Variants in LRP1B observed in about 807,000 individuals in gnomAD.
The protein encoded by LRP1B is LDL receptor related protein 1B, also known as low-density lipoprotein receptor-related protein 1B.
In LRP1B, 217 loss-of-function variants were observed where a neutral mutation model predicts 556.6. That is an observed-to-expected ratio of 0.39 (90% CI 0.35 to 0.44). The LOEUF (loss-of-function observed/expected upper bound fraction) is 0.44. Ranked by LOEUF, LRP1B falls within the 20% of genes least tolerant of loss-of-function variation. The pLI, the probability that LRP1B is intolerant of heterozygous loss-of-function variation, is 1.00. For missense variants in LRP1B, 5,053 were observed against 5,620.8 expected, an observed-to-expected ratio of 0.90 and a Z score of 3.23; for synonymous variants, 2,047 against 1,865.8, an observed-to-expected ratio of 1.10 and a Z score of -2.50.
chr2:141,263,860 C>A (rs1213362725), intron 3 of LRP1B, among the ~76,000 whole-genome samples: 2 of 151,998 alleles, frequency 1.3e-5, no homozygotes, highest in Non-Finnish European at 2.9e-5. Flanking sequence ...CCCTATCAAT[C>A]AGTACAGTAA....
chr2:141,828,874 A>G (rs553350437), intron 1 of LRP1B, among the ~76,000 whole-genome samples: 1 of 152,086 alleles, frequency 6.6e-6, no homozygotes, highest in East Asian at 1.9e-4. Context: ...ATTAAAAAAA[A>G]ATTATAGGGT....
At chr2:140,551,576 G>A (rs1050393336) in intron 43 of LRP1B, among the ~76,000 whole-genome samples, 2 of 152,072 alleles carry the variant, frequency 1.3e-5, no homozygotes, top group Admixed American at 6.6e-5. Flanking sequence ...TGAAAGCAGC[G>A]GTCAGCTATT....
At chr2:141,787,147 T>C (rs1302319293) in intron 2 of LRP1B, among the ~76,000 whole-genome samples, 2 of 151,958 alleles carry the variant, frequency 1.3e-5, no homozygotes, top group African/African-American at 4.8e-5. Flanking sequence ...CTAGTAGGAA[T>C]ACAAAATGGT....
At chr2:140,887,765 A>G (rs1693681695) in intron 23 of LRP1B, among the ~76,000 whole-genome samples, 1 of 152,182 alleles carries the variant, frequency 6.6e-6, no homozygotes, top group African/African-American at 2.4e-5. Context: ...AAACAAATGA[A>G]AACATTACAC....
At chr2:141,463,837 GATA>G (rs141339525) in intron 3 of LRP1B, among the ~76,000 whole-genome samples, 6,502 of 139,426 alleles carry the variant, frequency 0.047, 480 homozygotes, top group African/African-American at 0.15. Flanking sequence ...TATATAATTG[GATA>G]ATATTACATA....
chr2:141,816,345 G>T (rs998699959), intron 1 of LRP1B, among the ~76,000 whole-genome samples: 1 of 152,144 alleles, frequency 6.6e-6, no homozygotes, highest in Non-Finnish European at 1.5e-5. Flanking sequence ...TGCTGTCAGC[G>T]TGGCTAGAAT....
chr2:141,096,762 T>G (rs897637191), intron 7 of LRP1B, among the ~76,000 whole-genome samples: 10 of 149,302 alleles, frequency 6.7e-5, no homozygotes, highest in Non-Finnish European at 1.2e-4. Flanking sequence ...GTAAAAAAAA[T>G]TAGGCTTTGT....
At position 140,938,142 on chromosome 2, in the gene LRP1B, C is replaced by T. The variant is rs190825605; in HGVS notation, c.3136+12093G>A. Reference sequence around the variant, plus strand: ...AGGATAAGATTTTAGCTTGCTGAGACCTTTTCCTCATCTACACAATAAAAT... The same window carrying T: ...AGGATAAGATTTTAGCTTGCTGAGATCTTTTCCTCATCTACACAATAAAAT... On this transcript the variant is annotated intron_variant, in intron 20 of 90. Transcript: ENST00000389484. Among the ~76,000 whole-genome samples, 248 of 150,168 alleles carry T rather than the reference C, an allele frequency of 1.7e-3. 1 individual carries two copies. Among genetic ancestry groups the T allele is most frequent in the African/African-American group, 5.8e-3 (238 of 40,852 alleles).
chr2:141,307,903 C>A (rs1040988522), intron 3 of LRP1B, among the ~76,000 whole-genome samples: 1 of 152,116 alleles, frequency 6.6e-6, no homozygotes, highest in African/African-American at 2.4e-5. Flanking sequence ...GATGGCAGTA[C>A]CAGTGGCAGG....
intron 3 of LRP1B, among the ~76,000 whole-genome samples, chr2:141,339,616 C>A (rs1292372465): frequency 6.6e-6 from 1 of 152,154 alleles, no homozygotes; most frequent in Non-Finnish European, 1.5e-5. Flanking sequence ...GTTAGTGATA[C>A]AAGTCAGCAC....
At position 141,319,765 on chromosome 2, in the gene LRP1B, C is replaced by T. The variant is rs568638867; in HGVS notation, c.344-65124G>A. Among the ~76,000 whole-genome samples, 11 of 152,070 alleles carry T rather than the reference C, an allele frequency of 7.2e-5. No homozygotes were observed. In the South Asian group the frequency reaches 1.5e-3, roughly 20 times the overall value. On this transcript the variant is annotated intron_variant, in intron 3 of 90. Transcript: ENST00000389484. ...GAATCGCAAGTTGCAGTGCTTTTCT[C>T]GTTTCAATTTTATAGAGCAACATGT... is the stretch of plus-strand genomic sequence containing the variant.
At chr2:141,826,586 C>G (rs944080944) in intron 1 of LRP1B, among the ~76,000 whole-genome samples, 18 of 152,020 alleles carry the variant, frequency 1.2e-4, no homozygotes, top group Non-Finnish European at 2.5e-4. Flanking sequence ...GTCTCCATCT[C>G]CTGACCTCGT....
Position 140,373,124 on chromosome 2 carries a change from G to T in LRP1B, c.10652C>A (p.Thr3551Lys). The T allele has an allele frequency of 3.7e-6, 6 of 1,612,750 alleles. No homozygotes were observed. The highest frequency in any genetic ancestry group is 5.1e-6 in the Non-Finnish European group (6 of 1,179,294). ...CCGGAACTGATCTTTGGAACAACTT[G>T]TCTCACAATTTCTCTATGAAAAACA... ...ADGSDERNCE[T>K]SCSKDQFRCS... The change falls in exon 69 of 91, where the codon ACA becomes AAA. Residue 3551 changes from threonine (T) to lysine (K), a missense_variant. By Grantham distance (78) the Thr-to-Lys change is moderately conservative. This residue lies in a region of LRP1B where 599 missense variants were observed against 648.4 expected (regional missense o/e 0.92). Transcript: ENST00000389484.
At position 140,489,808 on chromosome 2, in the gene LRP1B, C is replaced by T. The variant is rs146333565; in HGVS notation, c.9121-2069G>A. Among the ~76,000 whole-genome samples, 694 of 152,164 alleles carry T rather than the reference C, an allele frequency of 4.6e-3. 6 individuals are homozygous for T. Among genetic ancestry groups the T allele is most frequent in the African/African-American group, 0.016 (676 of 41,558 alleles). ...ACTTGAGCAAAGATTTACCCACAAT[C>T]CCCAGTCATGGCAGAATTATCCTAT... On this transcript the variant is annotated intron_variant, in intron 57 of 90. Transcript: ENST00000389484.
At position 141,049,184 on chromosome 2, in the gene LRP1B, G is replaced by C. The variant is rs371410109; in HGVS notation, c.1591C>G (p.Arg531Gly). 3 of 1,613,312 alleles carry C rather than the reference G, an allele frequency of 1.9e-6. No individual in the cohort carries two copies. The highest frequency in any genetic ancestry group is 3.3e-5 in the Admixed American group (2 of 59,910). Residue 531 changes from arginine to glycine, a missense_variant, in exon 11 of 91, where the codon CGC (arginine) becomes GGC (glycine). Coordinates refer to ENST00000389484, the MANE Select transcript of LRP1B (RefSeq NM_018557.3). ...TCCATTCCTCTAACAATTCCTGGGC[G>C]TCCTTTCCCATAAAAGAGGAACAAC... ...NELFLFYGKG[R>G]PGIVRGMDLN... is the part of the protein sequence containing the mutation.
chr2:141,136,337 C>T (rs1701491721), intron 7 of LRP1B, among the ~76,000 whole-genome samples: 1 of 151,774 alleles, frequency 6.6e-6, no homozygotes, highest in South Asian at 2.1e-4. Context: ...CTTCACTGTT[C>T]ACTTTCATAA....
At chr2:140,963,990 C>T (rs1378724937) in intron 18 of LRP1B, among the ~76,000 whole-genome samples, 2 of 152,064 alleles carry the variant, frequency 1.3e-5, no homozygotes, top group African/African-American at 4.8e-5. Context: ...TGCGCGGAGA[C>T]CGGTAGTGGC....
intron 3 of LRP1B, among the ~76,000 whole-genome samples, chr2:141,372,460 G>A (rs1323815255): frequency 6.6e-6 from 1 of 152,012 alleles, no homozygotes; most frequent in Non-Finnish European, 1.5e-5. Flanking sequence ...TACTGGTATT[G>A]GTTCATTTTT....
chr2:141,918,653 C>A (rs777575224), intron 1 of LRP1B, among the ~76,000 whole-genome samples: 5 of 152,058 alleles, frequency 3.3e-5, no homozygotes, highest in Non-Finnish European at 7.4e-5. Flanking sequence ...GAATTAGTTT[C>A]TTTTCGTGAA....
Sources: allele counts gnomAD v4.1 joint callset (sites outside exome capture counted in the v4.1 genomes callset), GRCh38; gene constraint gnomAD v4.1.1; regional missense constraint gnomAD v4.1.1; transcripts MANE v1.5; gene names NCBI Gene and HGNC (gene_info 2026-07-23, HGNC 2026-07-21).